UNC13C: variants seen among roughly 807,000 people sequenced by gnomAD.
UNC13C encodes protein unc-13 homolog C.
A neutral mutation model predicts 245.4 loss-of-function variants in UNC13C; 174 were observed. That is an observed-to-expected ratio of 0.71 (90% CI 0.63 to 0.80). The LOEUF is 0.80. Among genes scored for constraint, UNC13C ranks in the 30% least tolerant of loss-of-function variants. The probability of loss-of-function intolerance (pLI) is 0.00; values close to 1 mark genes in which losing one functional copy is unlikely to be tolerated. For synonymous variants in UNC13C, 992 were observed against 895.1 expected (o/e 1.11, Z -1.93); for missense variants, 2,829 against 2,602.9 (o/e 1.09, Z -1.89).
chr15:54,173,885 TAACA>T (rs991633718), intron 4 of UNC13C, among the ~76,000 whole-genome samples: 1 of 152,126 alleles, frequency 6.6e-6, no homozygotes, highest in African/African-American at 2.4e-5. Flanking sequence ...GTTCTCTACC[TAACA>T]GTTTTTTTTA....
chr15:54,470,692 C>T (rs1301374070), intron 19 of UNC13C, among the ~76,000 whole-genome samples: 3 of 150,896 alleles, frequency 2.0e-5, no homozygotes, highest in African/African-American at 7.3e-5. Flanking sequence ...TTTTTAAAAG[C>T]CAATTTTTTG....
rs573073301 is a variant in UNC13C, at chr15:54,339,111, G to A, written c.4713+622G>A. On this transcript the variant is annotated intron_variant, in intron 17 of 32. Transcript: ENST00000260323. ...TTGAACTCCTGACCTCAGGTGATCC[G>A]CCCGCCTCGGCCTCCCAAAGTGCTG... 6.8e-4 allele frequency among the ~76,000 whole-genome samples: 103 copies of A among 152,026 alleles called. 1 individual carries two copies. The highest frequency in any genetic ancestry group is 2.3e-3 in the African/African-American group (95 of 41,482).
chr15:54,406,343 G>A (rs2040292898), intron 18 of UNC13C, among the ~76,000 whole-genome samples: 1 of 152,076 alleles, frequency 6.6e-6, no homozygotes, highest in Non-Finnish European at 1.5e-5. Context: ...TATAGGAGCA[G>A]CACCTCTCAC....
intron 19 of UNC13C, among the ~76,000 whole-genome samples, chr15:54,439,156 TCA>T (rs536863175): frequency 6.6e-5 from 10 of 151,964 alleles, no homozygotes; most frequent in Non-Finnish European, 1.3e-4. Flanking sequence ...CGCATCTCTC[TCA>T]CAATCTCTGT....
intron 2 of UNC13C, among the ~76,000 whole-genome samples, chr15:54,118,156 T>A (rs970554309): frequency 2.6e-5 from 4 of 152,188 alleles, no homozygotes; most frequent in Non-Finnish European, 4.4e-5. Flanking sequence ...CGTGGTTCCA[T>A]ATAAATTTTA....
chr15:54,017,040 A>G (rs987747771), intron 2 of UNC13C, among the ~76,000 whole-genome samples: 2 of 152,220 alleles, frequency 1.3e-5, no homozygotes, highest in Admixed American at 6.5e-5. Flanking sequence ...TGAGTAGATT[A>G]TTGAATAATC....
intron 8 of UNC13C, 95 bp from the exon 9 acceptor site, chr15:54,264,073 A>G (rs1002428976): frequency 5.6e-6 from 7 of 1,241,048 alleles, no homozygotes; most frequent in Non-Finnish European, 6.9e-6. Context: ...GAAAGCACTC[A>G]TTCATTCTCA....
At chr15:53,893,456 C>A in the UNC13C span, among the ~76,000 whole-genome samples, 1 of 152,210 alleles carries the variant, frequency 6.6e-6, no homozygotes, top group Non-Finnish European at 1.5e-5. Context: ...GCACCCATAG[C>A]CACCCCTTCC....
intron 10 of UNC13C, among the ~76,000 whole-genome samples, chr15:54,287,116 G>A (rs563683591): frequency 4.6e-5 from 7 of 152,068 alleles, no homozygotes; most frequent in Non-Finnish European, 1.0e-4. Flanking sequence ...CGGGGTCTTG[G>A]TTAAAAAATT....
intron 17 of UNC13C, among the ~76,000 whole-genome samples, chr15:54,384,332 T>G (rs1418397024): frequency 6.6e-6 from 1 of 152,020 alleles, no homozygotes; most frequent in South Asian, 2.1e-4. Flanking sequence ...TGAAACTGAA[T>G]AGAGGACCCA....
intron 30 of UNC13C, among the ~76,000 whole-genome samples, chr15:54,586,025 C>A (rs1400964645): frequency 6.6e-6 from 1 of 152,154 alleles, no homozygotes; most frequent in East Asian, 1.9e-4. Flanking sequence ...ACCCTCCTAG[C>A]CTCCTACAGA....
intron 4 of UNC13C, among the ~76,000 whole-genome samples, chr15:54,233,257 CT>C (rs1048719086): frequency 2.0e-5 from 3 of 152,064 alleles, no homozygotes; most frequent in African/African-American, 7.2e-5. Context: ...AGAAAGGGGT[CT>C]TTTAAATGTC....
intron 19 of UNC13C, among the ~76,000 whole-genome samples, chr15:54,461,831 C>T (rs955467574): frequency 3.9e-5 from 6 of 152,166 alleles, no homozygotes; most frequent in African/African-American, 1.2e-4. Context: ...ACTAACTGAT[C>T]AGTTGAGAGT....
chr15:53,971,975 AC>A, the UNC13C span, among the ~76,000 whole-genome samples: 1 of 152,130 alleles, frequency 6.6e-6, no homozygotes, highest in Admixed American at 6.5e-5. Flanking sequence ...AAAATTACCA[AC>A]TGCAAAAATA....
intron 17 of UNC13C, among the ~76,000 whole-genome samples, chr15:54,357,787 T>C (rs2039130450): frequency 6.6e-6 from 1 of 152,076 alleles, no homozygotes; most frequent in African/African-American, 2.4e-5. Flanking sequence ...AAATTTCCCT[T>C]GCTCTTGGAG....
intron 19 of UNC13C, among the ~76,000 whole-genome samples, chr15:54,441,822 C>T (rs1056491423): frequency 6.6e-6 from 1 of 151,988 alleles, no homozygotes; most frequent in Non-Finnish European, 1.5e-5. Flanking sequence ...AATCCATGAG[C>T]ATAAGATATC....
At chr15:54,250,808 G>A (rs1442853653) in intron 8 of UNC13C, among the ~76,000 whole-genome samples, 1 of 134,790 alleles carries the variant, frequency 7.4e-6, no homozygotes, top group African/African-American at 2.9e-5. Flanking sequence ...CCCAGCTGGG[G>A]TGCAGTGGCA....
In UNC13C at chr15:54,264,269, G is replaced by C. The variant is rs778488641; in HGVS notation, c.3550G>C (p.Glu1184Gln). 2 of 1,598,096 alleles carry C rather than the reference G, an allele frequency of 1.3e-6. No individual in the cohort carries two copies. The highest frequency in any genetic ancestry group is 2.2e-5 in the East Asian group (1 of 44,498). ...GAAGATCAGGGAGAAAAACCGGCCA[G>C]AAGTATTTGAAGTAATCCAGGAAAT... is the stretch of plus-strand genomic sequence containing the variant. ...RMKIREKNRP[E>Q]VFEVIQEMFQ... The change falls in exon 9 of 33, where the codon GAA (glutamate) becomes CAA (glutamine). Residue 1184 changes from glutamate to glutamine, a missense_variant. Glu to Gln is a conservative substitution (Grantham distance 29, BLOSUM62 2). Transcript: ENST00000260323.
intron 30 of UNC13C, among the ~76,000 whole-genome samples, chr15:54,568,491 T>C (rs1897612926): frequency 6.6e-6 from 1 of 152,154 alleles, no homozygotes; most frequent in Non-Finnish European, 1.5e-5. Flanking sequence ...GAAACTCAGA[T>C]ATGTTTCATG....
Sources: gnomAD v4.1 joint callset for allele counts (sites outside exome capture counted in the v4.1 genomes callset) on GRCh38, gnomAD v4.1.1 for gene constraint, MANE v1.5 for transcripts, NCBI Gene and HGNC (gene_info 2026-07-23, HGNC 2026-07-21) for gene names.